The following REDIC1 variants were observed in gnomAD, a reference collection of about 807,000 sequenced individuals.
The protein encoded by REDIC1 is HEI10 Interacting Protein 1.
chr12:39,723,820 T>C, the REDIC1 span, among the ~76,000 whole-genome samples: 2 of 152,172 alleles, frequency 1.3e-5, no homozygotes, highest in Non-Finnish European at 2.9e-5. Flanking sequence ...GAAGTTTCCA[T>C]CTGTAATAAG....
At chr12:39,800,282 A>G in the REDIC1 span, among the ~76,000 whole-genome samples, 1 of 152,342 alleles carries the variant, frequency 6.6e-6, no homozygotes, top group African/African-American at 2.4e-5. Flanking sequence ...ATAGGAATGC[A>G]ACTTATTCTG....
the REDIC1 span, among the ~76,000 whole-genome samples, chr12:39,648,580 G>A: frequency 3.3e-5 from 5 of 151,230 alleles, no homozygotes; most frequent in African/African-American, 1.2e-4. Context: ...GAGCATACCA[G>A]GAAATCTACT....
At chr12:39,644,146 G>A in the REDIC1 span, among the ~76,000 whole-genome samples, 1 of 151,544 alleles carries the variant, frequency 6.6e-6, no homozygotes, top group African/African-American at 2.4e-5. Flanking sequence ...AATTTATTAG[G>A]TGTCACTAAA....
chr12:39,813,551 C>T, the REDIC1 span, among the ~76,000 whole-genome samples: 1 of 152,134 alleles, frequency 6.6e-6, no homozygotes, highest in African/African-American at 2.4e-5. Flanking sequence ...GATTACTGCA[C>T]CTGAAAAATT....
At chr12:39,799,683 T>C in the REDIC1 span, among the ~76,000 whole-genome samples, 4 of 152,236 alleles carry the variant, frequency 2.6e-5, no homozygotes, top group South Asian at 8.3e-4. Context: ...GCAATTCAAA[T>C]GGTAGAGAAT....
the REDIC1 span, chr12:39,650,322 A>G: frequency 1.9e-6 from 3 of 1,611,278 alleles, no homozygotes; most frequent in Non-Finnish European, 2.5e-6. The surrounding 1 kb of genome is among the most constrained non-coding windows in gnomAD (Gnocchi z 4.3). Flanking sequence ...ATAAAACTAC[A>G]CGATTTGGGA....
chr12:39,685,473 A>G, the REDIC1 span, among the ~76,000 whole-genome samples: 4 of 152,172 alleles, frequency 2.6e-5, no homozygotes, highest in Non-Finnish European at 4.4e-5. Flanking sequence ...CAAACTCACT[A>G]TCATGAGGAC....
chr12:39,701,765 A>G, the REDIC1 span, among the ~76,000 whole-genome samples: 9 of 152,320 alleles, frequency 5.9e-5, no homozygotes, highest in Non-Finnish European at 7.4e-5. Flanking sequence ...CAATCAAACT[A>G]GAACTCAGGA....
the REDIC1 span, among the ~76,000 whole-genome samples, chr12:39,744,543 A>T: frequency 6.6e-6 from 1 of 152,188 alleles, no homozygotes; most frequent in East Asian, 1.9e-4. Flanking sequence ...AAGGGATGGA[A>T]GGGAGGAATT....
At chr12:39,701,891 C>A in the REDIC1 span, among the ~76,000 whole-genome samples, 3 of 151,952 alleles carry the variant, frequency 2.0e-5, no homozygotes, top group South Asian at 4.2e-4. Context: ...TTGAAACCAA[C>A]GAGAACAAAG....
chr12:39,839,283 T>C, the REDIC1 span, among the ~76,000 whole-genome samples: 1 of 152,034 alleles, frequency 6.6e-6, no homozygotes, highest in South Asian at 2.1e-4. Context: ...CTGGAACACC[T>C]GCCTTCTTTC....
At chr12:39,808,487 G>C in the REDIC1 span, among the ~76,000 whole-genome samples, 1 of 152,158 alleles carries the variant, frequency 6.6e-6, no homozygotes, top group Middle Eastern at 3.4e-3. Flanking sequence ...GGGTTGTATG[G>C]AAAAGATGTG....
chr12:39,639,644 C>T, the REDIC1 span, among the ~76,000 whole-genome samples: 1 of 151,908 alleles, frequency 6.6e-6, no homozygotes, highest in Non-Finnish European at 1.5e-5. Context: ...AGTTACTTAA[C>T]CTGTCTTTGC....
chr12:39,672,595 G>A, the REDIC1 span, among the ~76,000 whole-genome samples: 1 of 152,246 alleles, frequency 6.6e-6, no homozygotes, highest in East Asian at 1.9e-4. Context: ...TCCCAGGCCG[G>A]CAGGCTTCTG....
At chr12:39,734,558 GTA>G in the REDIC1 span, among the ~76,000 whole-genome samples, 1 of 152,114 alleles carries the variant, frequency 6.6e-6, no homozygotes, top group Non-Finnish European at 1.5e-5. Flanking sequence ...TTTTTGTAAT[GTA>G]TATAATATAG....
chr12:39,867,632 A>T, the REDIC1 span, among the ~76,000 whole-genome samples: 1 of 152,210 alleles, frequency 6.6e-6, no homozygotes, highest in Non-Finnish European at 1.5e-5. Context: ...TATTCTGTAT[A>T]TAGAAAATTC....
At chr12:39,703,253 A>G in the REDIC1 span, among the ~76,000 whole-genome samples, 3 of 150,966 alleles carry the variant, frequency 2.0e-5, no homozygotes, top group East Asian at 1.9e-4. Flanking sequence ...ATACAAAATC[A>G]ATGTACAAAA....
the REDIC1 span, among the ~76,000 whole-genome samples, chr12:39,825,695 G>T: frequency 6.6e-6 from 1 of 151,930 alleles, no homozygotes; most frequent in South Asian, 2.1e-4. Context: ...AATATTGTTT[G>T]TGCCTTCTCT....
At chr12:39,740,963 ATAT>A in the REDIC1 span, among the ~76,000 whole-genome samples, 5 of 135,140 alleles carry the variant, frequency 3.7e-5, no homozygotes, top group Admixed American at 2.1e-4. Flanking sequence ...GCTTCTTTAC[ATAT>A]TATTATTATT....
Sources: allele counts gnomAD v4.1 joint callset (sites outside exome capture counted in the v4.1 genomes callset), GRCh38; gene constraint gnomAD v4.1.1; non-coding constraint Gnocchi (gnomAD v3.1); transcripts MANE v1.5; gene names NCBI Gene and HGNC (gene_info 2026-07-23, HGNC 2026-07-21).